The following CHIA variants were observed in gnomAD, a reference collection of about 807,000 sequenced individuals.
CHIA encodes the protein chitinase acidic, also known as acidic mammalian chitinase.
A neutral mutation model predicts 53.5 loss-of-function variants in CHIA; 47 were observed. The ratio of observed to expected loss-of-function variants is 0.88; its 90% CI spans 0.70 to 1.12. The LOEUF is 1.12. Ranked by LOEUF, CHIA falls within the 50% of genes most tolerant of loss-of-function variation. The pLI is 0.00. For missense variants in CHIA, 652 were observed against 592.2 expected (o/e 1.10, Z -1.05); for synonymous variants, 268 against 222.2 (o/e 1.21, Z -1.83).
intron 5 of CHIA, chr1:111,314,948 C>A: frequency 2.6e-6 from 1 of 384,492 alleles, no homozygotes; most frequent in Non-Finnish European, 4.7e-6. Context: ...GAAAATCACA[C>A]AAATAAACAA....
intron 1 of CHIA, among the ~76,000 whole-genome samples, chr1:111,303,632 A>G (rs1049734748): frequency 1.3e-5 from 2 of 152,140 alleles, no homozygotes; most frequent in Non-Finnish European, 2.9e-5. Flanking sequence ...CTGCTCTTTT[A>G]CAGCCCCATT....
chr1:111,291,388 T>A (rs1047682266), intron 1 of CHIA, among the ~76,000 whole-genome samples: 1 of 152,088 alleles, frequency 6.6e-6, no homozygotes, highest in African/African-American at 2.4e-5. Flanking sequence ...GAAGCTATCA[T>A]CCTCAGCAAA....
chr1:111,318,716 G>C, intron 9 of CHIA, 38 bp downstream of exon 9: 1 of 1,581,868 alleles, frequency 6.3e-7, no homozygotes, highest in East Asian at 2.2e-5. Flanking sequence ...TGTGAATTCC[G>C]TGCACTGTGC....
chr1:111,293,734 C>A (rs754526904), intron 1 of CHIA, among the ~76,000 whole-genome samples: 3 of 152,062 alleles, frequency 2.0e-5, no homozygotes, highest in Non-Finnish European at 4.4e-5. Context: ...TACATTTAGG[C>A]CATTGATCTA....
chr1:111,296,104 C>T (rs979476228), intron 1 of CHIA, among the ~76,000 whole-genome samples: 1 of 152,196 alleles, frequency 6.6e-6, no homozygotes, highest in Admixed American at 6.5e-5. Context: ...AGGCTGGCTG[C>T]CTCTATAGAC....
intron 1 of CHIA, among the ~76,000 whole-genome samples, chr1:111,305,818 T>G (rs1391215692): frequency 6.6e-6 from 1 of 152,154 alleles, no homozygotes; most frequent in Non-Finnish European, 1.5e-5. Context: ...GAAAGAAAGC[T>G]GCCATTATTC....
chr1:111,295,961 G>A (rs371360381), intron 1 of CHIA, among the ~76,000 whole-genome samples: 1 of 152,254 alleles, frequency 6.6e-6, no homozygotes, highest in Non-Finnish European at 1.5e-5. Flanking sequence ...CTCACTGCTA[G>A]CGCAGCAGTC....
At chr1:111,301,718 A>G (rs958521269) in intron 1 of CHIA, among the ~76,000 whole-genome samples, 5 of 119,366 alleles carry the variant, frequency 4.2e-5, no homozygotes, top group African/African-American at 5.7e-5. Context: ...AAAAAAAAAA[A>G]AAAAAAAAGA....
At chr1:111,300,137 G>A (rs992536969) in intron 1 of CHIA, among the ~76,000 whole-genome samples, 5 of 152,128 alleles carry the variant, frequency 3.3e-5, no homozygotes, top group Middle Eastern at 3.4e-3. Context: ...AATTAATATC[G>A]TGAAAATGGC....
At chr1:111,299,830 C>A (rs1296454463) in intron 1 of CHIA, among the ~76,000 whole-genome samples, 2 of 152,176 alleles carry the variant, frequency 1.3e-5, no homozygotes, top group African/African-American at 4.8e-5. Flanking sequence ...ATTTAGAAAA[C>A]CCCGTCATCT....
intron 6 of CHIA, 78 bp from the exon 7 acceptor site, chr1:111,317,603 A>T: frequency 1.3e-6 from 2 of 1,499,918 alleles, no homozygotes; most frequent in Admixed American, 1.7e-5. Context: ...AGCATTATAC[A>T]GACATATGTT....
At chr1:111,310,926 G>A (rs1029992267) in intron 2 of CHIA, among the ~76,000 whole-genome samples, 3 of 152,180 alleles carry the variant, frequency 2.0e-5, no homozygotes, top group African/African-American at 7.2e-5. Flanking sequence ...AGTTGTCTTT[G>A]TTCTGCTGTT....
chr1:111,302,263 G>A lies in CHIA; in HGVS notation c.-68-8137G>A, dbSNP rs555186381. Reference sequence around the variant, plus strand: ...TATTCTCTATTTCATTTATCTGAGCGCCAGTCTTTATTATTTCCTTCTTTC... The same window carrying A: ...TATTCTCTATTTCATTTATCTGAGCACCAGTCTTTATTATTTCCTTCTTTC... On this transcript the variant is annotated intron_variant, in intron 1 of 11. Transcript: ENST00000369740. 1.6e-4 allele frequency among the ~76,000 whole-genome samples: 24 copies of A among 151,848 alleles called. 1 individual carries two copies. In the South Asian group the frequency reaches 4.0e-3, roughly 25 times the overall value.
chr1:111,318,644 A>T lies in CHIA; in HGVS notation c.881A>T (p.Tyr294Phe). ...PTSGAGPAGP[Y>F]AKESGIWAYY... The stretch of plus-strand genomic sequence containing the variant: ...TCTGGTGCTGGTCCTGCTGGGCCCT[A>T]TGCCAAGGAGTCTGGGATCTGGGCT... The change falls in exon 9 of 12, where the codon TAT becomes TTT. Residue 294 changes from tyrosine (Y) to phenylalanine (F), a missense_variant. Transcript: ENST00000369740. 6.2e-7 allele frequency: 1 copy of T among 1,614,140 alleles called. No individual in the cohort carries two copies. The highest frequency in any genetic ancestry group is 8.5e-7 in the Non-Finnish European group (1 of 1,179,982).
At chr1:111,300,201 T>C (rs892578084) in intron 1 of CHIA, among the ~76,000 whole-genome samples, 3 of 152,144 alleles carry the variant, frequency 2.0e-5, no homozygotes, top group South Asian at 4.1e-4. Context: ...CAGCTACCAA[T>C]GACTTTCTTT....
intron 1 of CHIA, among the ~76,000 whole-genome samples, chr1:111,293,814 T>G (rs549413282): frequency 6.6e-6 from 1 of 152,348 alleles, no homozygotes; most frequent in African/African-American, 2.4e-5. Context: ...ATGTGGTGGC[T>G]CATGCTTATA....
intron 1 of CHIA, among the ~76,000 whole-genome samples, chr1:111,300,502 A>G (rs1295004597): frequency 6.6e-6 from 1 of 152,242 alleles, no homozygotes; most frequent in Non-Finnish European, 1.5e-5. Flanking sequence ...TATTTAAAAA[A>G]TGGTGCTGGG....
Position 111,317,724 on chromosome 1 carries a change from A to C in CHIA, c.524A>C (p.Lys175Thr), listed in dbSNP as rs1422211814. ...GAGCAGGAGGCCAAGCAGATCAACA[A>C]GCCCAGGCTGATGGTCACTGCTGCA... ...AFEQEAKQIN[K>T]PRLMVTAAVA... Residue 175 changes from lysine (K) to threonine (T), a missense_variant, in exon 7 of 12, where the codon AAG (lysine) becomes ACG (threonine). By Grantham distance (78) the Lys-to-Thr change is moderately conservative. Coordinates refer to ENST00000369740, the MANE Select transcript of CHIA (RefSeq NM_201653.4). The C allele has an allele frequency of 1.2e-6, 2 of 1,614,002 alleles. No homozygotes were observed. The highest frequency in any genetic ancestry group is 2.2e-5 in the South Asian group (2 of 91,082).
intron 1 of CHIA, among the ~76,000 whole-genome samples, chr1:111,296,349 A>G (rs1661338011): frequency 6.6e-6 from 1 of 152,200 alleles, no homozygotes; most frequent in South Asian, 2.1e-4. Context: ...CGAAGCTTCC[A>G]GAGGAAGGAT....
Sources: gnomAD v4.1 joint callset for allele counts (sites outside exome capture counted in the v4.1 genomes callset) on GRCh38, gnomAD v4.1.1 for gene constraint, MANE v1.5 for transcripts, NCBI Gene and HGNC (gene_info 2026-07-23, HGNC 2026-07-21) for gene names.